Variants in FHIT observed in about 807,000 individuals in gnomAD.
FHIT encodes the protein fragile histidine triad diadenosine triphosphatase.
Under a neutral mutation model 17.9 loss-of-function variants are expected in FHIT, and 19 were observed. That is an observed-to-expected ratio of 1.06 (90% CI 0.74 to 1.56). The LOEUF is 1.56. FHIT is among the 40% of genes most tolerant of loss of function. FHIT has a pLI of 0.00. For missense variants in FHIT, 248 were observed against 189.2 expected (o/e 1.31, Z -1.82); for synonymous variants, 81 against 69.7 (o/e 1.16, Z -0.81).
chr3:60,599,215 A>G (rs572420112), intron 4 of FHIT, among the ~76,000 whole-genome samples: 1 of 152,248 alleles, frequency 6.6e-6, no homozygotes, highest in East Asian at 1.9e-4. Flanking sequence ...CTATAATTTT[A>G]TTGTGTTAGA....
At chr3:59,852,086 A>G (rs1701963667) in intron 8 of FHIT, among the ~76,000 whole-genome samples, 1 of 152,102 alleles carries the variant, frequency 6.6e-6, no homozygotes, top group Non-Finnish European at 1.5e-5. Flanking sequence ...AATCACATAT[A>G]ATCATTCAAG....
chr3:61,195,664 T>C (rs1162449445), intron 2 of FHIT, among the ~76,000 whole-genome samples: 1 of 152,170 alleles, frequency 6.6e-6, no homozygotes, highest in African/African-American at 2.4e-5. Context: ...TCAGGATAAC[T>C]GAAGTGACAG....
At chr3:59,775,226 G>A (rs1575473981) in intron 8 of FHIT, among the ~76,000 whole-genome samples, 2 of 152,130 alleles carry the variant, frequency 1.3e-5, no homozygotes, top group African/African-American at 4.8e-5. Context: ...TGCAATGAAC[G>A]GCAATGTGCT....
intron 7 of FHIT, among the ~76,000 whole-genome samples, chr3:59,954,978 T>C (rs1559495611): frequency 6.6e-6 from 1 of 152,158 alleles, no homozygotes; most frequent in Admixed American, 6.5e-5. Flanking sequence ...TGTTTGCTAG[T>C]TTTCTGTGAA....
At chr3:60,098,431 C>CA in intron 5 of FHIT, among the ~76,000 whole-genome samples, 1 of 151,640 alleles carries the variant, frequency 6.6e-6, no homozygotes, top group Admixed American at 6.6e-5. Flanking sequence ...CATGGTATCT[C>CA]ATTGTGGTTT....
intron 5 of FHIT, among the ~76,000 whole-genome samples, chr3:60,238,276 G>A (rs1704918214): frequency 6.6e-6 from 1 of 151,012 alleles, no homozygotes; most frequent in Non-Finnish European, 1.5e-5. Context: ...AGATAATAAA[G>A]CCCTTAAGTA....
intron 8 of FHIT, among the ~76,000 whole-genome samples, chr3:59,890,887 C>G (rs568403000): frequency 1.3e-5 from 2 of 152,194 alleles, no homozygotes; most frequent in Admixed American, 1.3e-4. Context: ...TTCATTTCTC[C>G]CCCCCAACAC....
chr3:60,143,995 C>T (rs191232429), intron 5 of FHIT, among the ~76,000 whole-genome samples: 1 of 152,094 alleles, frequency 6.6e-6, no homozygotes, highest in Non-Finnish European at 1.5e-5. Flanking sequence ...CAACACTAGG[C>T]ATGAAAGTAG....
chr3:60,680,377 T>C (rs2040718346), intron 4 of FHIT, among the ~76,000 whole-genome samples: 3 of 152,184 alleles, frequency 2.0e-5, no homozygotes, highest in Admixed American at 1.3e-4. Flanking sequence ...TCAGACCCCT[T>C]AGTTATTTTT....
chr3:59,941,851 T>C (rs1411202890), intron 7 of FHIT, among the ~76,000 whole-genome samples: 1 of 152,158 alleles, frequency 6.6e-6, no homozygotes, highest in Non-Finnish European at 1.5e-5. Context: ...GTTAAGGTGA[T>C]AAGGGCTGAG....
rs1475659318 is a variant in FHIT, at chr3:61,251,334, AGAGG to A, written c.-250_-247del. On this transcript the variant is annotated 5_prime_UTR_variant, in exon 1 of 10. Transcript: ENST00000492590. ...ATGTTGACAGCTGGGAATGAAAGGC[AGAGG>A]GAGGGAGCGCGGGGCCGGAGCGCCG... is the stretch of plus-strand genomic sequence containing the variant. 3 of 152,644 alleles carry A rather than the reference AGAGG, an allele frequency of 2.0e-5. No homozygotes were observed. Among genetic ancestry groups the A allele is most frequent in the African/African-American group, 4.8e-5 (2 of 41,480 alleles). The allele number at this position is 152,644 out of a possible 1,614,324, so 9.5% of individuals were successfully genotyped here. A position where few individuals can be genotyped will look rare whatever the true frequency, so the allele number is the denominator to read the frequency against.
intron 5 of FHIT, among the ~76,000 whole-genome samples, chr3:60,273,303 T>C (rs1413947636): frequency 6.6e-6 from 1 of 151,800 alleles, no homozygotes; most frequent in Non-Finnish European, 1.5e-5. Context: ...GGAAGTGTAA[T>C]TCTTCTGTTT....
intron 8 of FHIT, among the ~76,000 whole-genome samples, chr3:59,902,761 G>A (rs1214089512): frequency 6.6e-6 from 1 of 152,126 alleles, no homozygotes; most frequent in Non-Finnish European, 1.5e-5. Flanking sequence ...GTTAGAAACA[G>A]AGCATGGAAT....
chr3:60,999,103 G>A (rs528986536), intron 3 of FHIT, among the ~76,000 whole-genome samples: 46 of 152,198 alleles, frequency 3.0e-4, no homozygotes, highest in Non-Finnish European at 4.0e-4. Context: ...AGATGAGTAA[G>A]GACACTGCCA....
chr3:60,047,238 A>T (rs1701690327), intron 5 of FHIT, among the ~76,000 whole-genome samples: 4 of 152,334 alleles, frequency 2.6e-5, no homozygotes, highest in African/African-American at 9.6e-5. Context: ...TAAAGATATG[A>T]TAGAATGCTA....
At chr3:61,190,720 G>T (rs1452630620) in intron 2 of FHIT, among the ~76,000 whole-genome samples, 3 of 152,118 alleles carry the variant, frequency 2.0e-5, no homozygotes, top group Non-Finnish European at 2.9e-5. Flanking sequence ...AGAAAATGTG[G>T]CATATATACA....
chr3:61,086,599 T>C (rs2035313791), intron 2 of FHIT, among the ~76,000 whole-genome samples: 3 of 152,168 alleles, frequency 2.0e-5, no homozygotes, highest in Admixed American at 6.5e-5. Flanking sequence ...AGAATGAGAA[T>C]GTTGAAGTCA....
intron 2 of FHIT, among the ~76,000 whole-genome samples, chr3:61,191,375 T>C (rs778994893): frequency 1.5e-4 from 23 of 152,162 alleles, no homozygotes; most frequent in Non-Finnish European, 2.9e-4. Flanking sequence ...AGACTGGGAT[T>C]ATGCCATTGG....
At position 60,745,963 on chromosome 3, in the gene FHIT, G is replaced by A. The variant is rs142115422; in HGVS notation, c.-18+75956C>T. ...GACTCCACAGGAAACCCATTAAATA[G>A]GCAGGGAAGAAAATGCTCACCATTC... On this transcript the variant is annotated intron_variant, in intron 4 of 9. Coordinates refer to ENST00000492590, the MANE Select transcript of FHIT (RefSeq NM_002012.4). Among the ~76,000 whole-genome samples, 37 of 152,278 alleles carry A rather than the reference G, an allele frequency of 2.4e-4. No homozygotes were observed. The East Asian group carries it at 4.6e-3, about 19-fold the overall frequency.
Sources: allele counts gnomAD v4.1 joint callset (sites outside exome capture counted in the v4.1 genomes callset), GRCh38; gene constraint gnomAD v4.1.1; transcripts MANE v1.5; gene names NCBI Gene and HGNC (gene_info 2026-07-23, HGNC 2026-07-21).